KCNJ16: variants seen among roughly 807,000 people sequenced by gnomAD.
KCNJ16 encodes inward rectifier potassium channel 16.
Under a neutral mutation model 18.5 loss-of-function variants are expected in KCNJ16, and 15 were observed. That is an observed-to-expected ratio of 0.81 (90% CI 0.54 to 1.25). KCNJ16 has a LOEUF of 1.25. Among genes scored for constraint, KCNJ16 ranks in the 50% most tolerant of loss-of-function variants. The probability of loss-of-function intolerance (pLI) is 0.00; values close to 1 mark genes in which losing one functional copy is unlikely to be tolerated. For synonymous variants in KCNJ16, 174 were observed against 186.5 expected (o/e 0.93, Z 0.55); for missense variants, 523 against 525.7 (o/e 0.99, Z 0.05).
chr17:70,090,727 C>A (rs1406947775), intron 1 of KCNJ16, among the ~76,000 whole-genome samples: 1 of 147,776 alleles, frequency 6.8e-6, no homozygotes, highest in Non-Finnish European at 1.5e-5. Flanking sequence ...CTAACCCACT[C>A]ACAATATGGC....
rs146766635 is a variant in KCNJ16 at position 70,133,440 on chromosome 17, A to G, written c.*96A>G. The G allele has an allele frequency of 3.9e-5, 36 of 923,912 alleles. No individual in the cohort carries two copies. In the East Asian group the frequency reaches 8.1e-4, roughly 21 times the overall value. 57.2% of individuals were successfully genotyped at this position (923,912 alleles called of 1,614,324 possible). On this transcript the variant is annotated 3_prime_UTR_variant, in exon 4 of 4. Coordinates refer to ENST00000392671, the MANE Select transcript of KCNJ16 (RefSeq NM_170741.4). ...TGGCTTTTTTGAAAGTGTTATGGCT[A>G]TGTTTTATGATGATGCTGGGTAAGT...
At chr17:70,084,710 C>T (rs954145783) in intron 1 of KCNJ16, among the ~76,000 whole-genome samples, 1 of 152,126 alleles carries the variant, frequency 6.6e-6, no homozygotes, top group Non-Finnish European at 1.5e-5. Flanking sequence ...GCTGATTTTG[C>T]TAATCCACCA....
At chr17:70,101,872 T>C (rs1305988519) in intron 2 of KCNJ16, 1 of 152,230 alleles carries the variant, frequency 6.6e-6, no homozygotes, top group Non-Finnish European at 1.5e-5. Context: ...ACAATTAAAT[T>C]GTGGATTTTA....
At chr17:70,126,708 G>C (rs773170039) in intron 2 of KCNJ16, among the ~76,000 whole-genome samples, 1 of 152,150 alleles carries the variant, frequency 6.6e-6, no homozygotes, top group African/African-American at 2.4e-5. Context: ...TATTAGATTG[G>C]TGCAAAATCA....
chr17:70,103,329 CA>C (rs2072760065), intron 2 of KCNJ16, among the ~76,000 whole-genome samples: 4 of 129,492 alleles, frequency 3.1e-5, no homozygotes, highest in Admixed American at 2.3e-4. Flanking sequence ...TATACACACA[CA>C]TATATATATA....
At chr17:70,093,278 G>A (rs890560496) in intron 1 of KCNJ16, among the ~76,000 whole-genome samples, 1 of 152,200 alleles carries the variant, frequency 6.6e-6, no homozygotes, top group Non-Finnish European at 1.5e-5. Context: ...AGAAGTCTGA[G>A]CCAAGGTGTA....
rs1283757505 is a variant in KCNJ16, at chr17:70,132,106, A to C, written c.19A>C (p.Ser7Arg). The change falls in exon 4 of 4, where the codon AGC becomes CGC. Residue 7 changes from serine (S) to arginine (R), a missense_variant. Coordinates refer to ENST00000392671, the MANE Select transcript of KCNJ16 (RefSeq NM_170741.4). ...GCAAAGAATGAGCTATTACGGCAGC[A>C]GCTATCATATTATCAATGCGGACGC... MSYYGS[S>R]YHIINADAKY... 9 of 1,614,122 alleles carry C rather than the reference A, an allele frequency of 5.6e-6. No individual in the cohort carries two copies. The highest frequency in any genetic ancestry group is 7.6e-6 in the Non-Finnish European group (9 of 1,180,052).
At chr17:70,084,583 T>C (rs1202940667) in intron 1 of KCNJ16, among the ~76,000 whole-genome samples, 1 of 152,196 alleles carries the variant, frequency 6.6e-6, no homozygotes, top group Non-Finnish European at 1.5e-5. Flanking sequence ...TTTAATAAGT[T>C]TGAATTCTGT....
At chr17:70,084,755 T>C (rs767992732) in intron 1 of KCNJ16, among the ~76,000 whole-genome samples, 3 of 152,132 alleles carry the variant, frequency 2.0e-5, no homozygotes, top group Non-Finnish European at 4.4e-5. Flanking sequence ...CGCTTTCATA[T>C]AGCTTATCTC....
chr17:70,106,031 T>G (rs1185556799), intron 2 of KCNJ16, among the ~76,000 whole-genome samples: 2 of 152,206 alleles, frequency 1.3e-5, no homozygotes, highest in African/African-American at 4.8e-5. Context: ...TTCTAATTGT[T>G]GCTCAGAAAA....
chr17:70,117,504 G>A (rs1053888307), intron 2 of KCNJ16, among the ~76,000 whole-genome samples: 1 of 152,138 alleles, frequency 6.6e-6, no homozygotes, highest in African/African-American at 2.4e-5. Context: ...TATCAGTCCT[G>A]AGGAAGACGA....
chr17:70,111,041 T>C lies in KCNJ16; in HGVS notation c.-191+10275T>C, dbSNP rs532219038. ...AAAATCACTTCAGATGCTGAAATAG[T>C]TCACTACAACCCTGGTGTCTGGAGT... is the stretch of plus-strand genomic sequence containing the variant. On this transcript the variant is annotated intron_variant, in intron 2 of 3. Transcript: ENST00000392671. Among the ~76,000 whole-genome samples, 9 of 152,222 alleles carry C rather than the reference T, an allele frequency of 5.9e-5. No individual in the cohort carries two copies. In the South Asian group the frequency reaches 1.9e-3, roughly 32 times the overall value.
At chr17:70,117,112 T>A (rs190211767) in intron 2 of KCNJ16, among the ~76,000 whole-genome samples, 151 of 152,280 alleles carry the variant, frequency 9.9e-4, no homozygotes, top group Admixed American at 2.9e-3. Flanking sequence ...TATGGAATAC[T>A]ACACAGCCAT....
chr17:70,109,720 A>G (rs892084762), intron 2 of KCNJ16, among the ~76,000 whole-genome samples: 2 of 152,166 alleles, frequency 1.3e-5, no homozygotes, highest in Non-Finnish European at 2.9e-5. Flanking sequence ...GGGCAATCCT[A>G]AACTCTTGGC....
Position 70,079,650 on chromosome 17 carries a change from C to A in KCNJ16, c.-300+4260C>A, listed in dbSNP as rs182768792. Among the ~76,000 whole-genome samples the A allele has an allele frequency of 8.7e-3, 1,325 of 152,076 alleles. 6 individuals carry two copies. The highest frequency in any genetic ancestry group is 0.022 in the African/African-American group (897 of 41,498). On this transcript the variant is annotated intron_variant, in intron 1 of 3. Transcript: ENST00000392671. Reference sequence around the variant, plus strand: ...ATAAAATGGATCTGCCTAAAAATACCATCATTTGCATATAGAAGCATCCAT... The same window carrying A: ...ATAAAATGGATCTGCCTAAAAATACAATCATTTGCATATAGAAGCATCCAT...
intron 1 of KCNJ16, among the ~76,000 whole-genome samples, chr17:70,095,870 C>CTTT (rs147216245): frequency 4.2e-5 from 4 of 95,400 alleles, no homozygotes; most frequent in Non-Finnish European, 5.9e-5. Context: ...TTACTTAATC[C>CTTT]TTTTTTTTTT....
rs917187222 is a variant in KCNJ16 at position 70,132,173 on chromosome 17, A to G, written c.86A>G (p.Lys29Arg). The G allele has an allele frequency of 3.1e-6, 5 of 1,614,120 alleles. No homozygotes were observed. The highest frequency in any genetic ancestry group is 4.5e-5 in the East Asian group (2 of 44,900). Residue 29 changes from lysine (K) to arginine (R), a missense_variant, in exon 4 of 4, where the codon AAG (lysine) becomes AGG (arginine). Transcript: ENST00000392671. ...GYPPEHIIAE[K>R]RRARRRLLHK... ...CCGCCAGAGCACATTATAGCTGAGA[A>G]GAGAAGAGCAAGAAGACGATTACTT... is the stretch of plus-strand genomic sequence containing the variant.
intron 1 of KCNJ16, among the ~76,000 whole-genome samples, chr17:70,089,087 T>C: frequency 6.6e-6 from 1 of 152,180 alleles, no homozygotes; most frequent in East Asian, 1.9e-4. Flanking sequence ...TGGTCCTACG[T>C]TGCTGTATGT....
intron 2 of KCNJ16, among the ~76,000 whole-genome samples, chr17:70,115,492 A>C (rs1598155687): frequency 6.6e-6 from 1 of 152,190 alleles, no homozygotes; most frequent in Non-Finnish European, 1.5e-5. Context: ...AGAATAGCAC[A>C]ATTTTTAACA....
Sources: allele counts gnomAD v4.1 joint callset (sites outside exome capture counted in the v4.1 genomes callset), GRCh38; gene constraint gnomAD v4.1.1; transcripts MANE v1.5; gene names NCBI Gene and HGNC (gene_info 2026-07-23, HGNC 2026-07-21).